Variants in OR2B11 observed in about 807,000 individuals in gnomAD.
The protein encoded by OR2B11 is olfactory receptor family 2 subfamily B member 11.
For missense variants in OR2B11, 422 were observed against 400.0 expected (o/e 1.05, Z -0.47); for synonymous variants, 198 against 174.5 (o/e 1.13, Z -1.06).
At chr1:247,457,461 CACACA>C (rs1412456220) in intron 1 of OR2B11, among the ~76,000 whole-genome samples, 173 bp downstream of exon 1, 3 of 152,128 alleles carry the variant, frequency 2.0e-5, no homozygotes, top group African/African-American at 7.2e-5. Context: ...TAGATAAAAC[CACACA>C]ACACAATTTT....
At position 247,457,401 on chromosome 1, in the gene OR2B11, C is replaced by T. The variant is rs142822854; in HGVS notation, c.-3083+238G>A. Among the ~76,000 whole-genome samples the T allele has an allele frequency of 2.0e-5, 3 of 152,272 alleles. No homozygotes were observed. The East Asian group carries it at 5.8e-4, about 29-fold the overall frequency. ...CACTGTTCAGATGAGTGTCAGACAGCGTGCCTACCTCCAGGCAGAGCATCC... is the reference window on the plus strand; with the variant it reads ...CACTGTTCAGATGAGTGTCAGACAGTGTGCCTACCTCCAGGCAGAGCATCC... On this transcript the variant is annotated intron_variant, in intron 1 of 1. Coordinates refer to ENST00000641149, the MANE Select transcript of OR2B11 (RefSeq NM_001004492.2).
At chr1:247,455,536 T>A (rs568232167) in intron 1 of OR2B11, among the ~76,000 whole-genome samples, 31 of 152,338 alleles carry the variant, frequency 2.0e-4, no homozygotes, top group African/African-American at 6.5e-4. Flanking sequence ...TCCTTATTTG[T>A]TTGCATTTGC....
chr1:247,450,709 G>A lies in OR2B11; in HGVS notation c.*320C>T. 1 of 202,312 alleles carries A rather than the reference G, an allele frequency of 4.9e-6. No individual in the cohort carries two copies. Among genetic ancestry groups the A allele is most frequent in the Non-Finnish European group, 9.8e-6 (1 of 101,648 alleles). 12.5% of individuals were successfully genotyped at this position (202,312 alleles called of 1,614,324 possible). A position where few individuals can be genotyped will look rare whatever the true frequency, so the allele number is the denominator to read the frequency against. Reference sequence around the variant, plus strand: ...GTATACTTAGGAGTAATAGAAAAGAGACAAATGGGGAGAGAATAAAAGAAA... The same window carrying A: ...GTATACTTAGGAGTAATAGAAAAGAAACAAATGGGGAGAGAATAAAAGAAA... On this transcript the variant is annotated 3_prime_UTR_variant, in exon 2 of 2. Coordinates refer to ENST00000641149, the MANE Select transcript of OR2B11 (RefSeq NM_001004492.2).
At chr1:247,456,681 T>C (rs543888278) in intron 1 of OR2B11, among the ~76,000 whole-genome samples, 1 of 152,046 alleles carries the variant, frequency 6.6e-6, no homozygotes, top group Non-Finnish European at 1.5e-5. Flanking sequence ...TACACAGGTA[T>C]ACACGTGCCA....
intron 1 of OR2B11, among the ~76,000 whole-genome samples, chr1:247,455,596 C>T (rs72655369): frequency 0.093 from 14,123 of 152,192 alleles, 794 homozygotes; most frequent in Non-Finnish European, 0.12. Context: ...CAAGTACAAT[C>T]GAGACGTTAG....
rs1022722804 is a variant in OR2B11, at chr1:247,453,634, T to A, written c.-1652A>T. Reference sequence around the variant, plus strand: ...TGAGATTTCTGATTCCAGAGTTTCTTTTCAGAGCCTAAACTGGGAGAAAAG... The same window carrying A: ...TGAGATTTCTGATTCCAGAGTTTCTATTCAGAGCCTAAACTGGGAGAAAAG... On this transcript the variant is annotated 5_prime_UTR_variant, in exon 2 of 2. Transcript: ENST00000641149. The A allele has an allele frequency of 3.3e-5, 5 of 152,218 alleles. No homozygotes were observed. Among genetic ancestry groups the A allele is most frequent in the African/African-American group, 1.2e-4 (5 of 41,462 alleles). The allele number at this position is 152,218 out of a possible 1,614,324, so 9.4% of individuals were successfully genotyped here. A position where few individuals can be genotyped will look rare whatever the true frequency, so the allele number is the denominator to read the frequency against.
rs907840139 is a variant in OR2B11, at chr1:247,454,181, G to GCACACACA, written c.-2207_-2200dup. ...CACACACATGCATGCACGTGCACAC[G>GCACACACA]CACACACACACACACACACACACAC... On this transcript the variant is annotated 5_prime_UTR_variant, in exon 2 of 2. An upstream open reading frame in the 5' UTR gains an earlier in-frame stop. Coordinates refer to ENST00000641149, the MANE Select transcript of OR2B11 (RefSeq NM_001004492.2). The GCACACACA allele has an allele frequency of 2.7e-4, 5 of 18,746 alleles. No individual in the cohort carries two copies. The highest frequency in any genetic ancestry group is 3.4e-4 in the African/African-American group (5 of 14,822). The allele number at this position is 18,746 out of a possible 1,614,324, so 1.2% of individuals were successfully genotyped here. A position where few individuals can be genotyped will look rare whatever the true frequency, so the allele number is the denominator to read the frequency against.
In OR2B11 at chr1:247,449,831, A is replaced by G. The variant is rs560854146; in HGVS notation, c.*1198T>C. 14 of 152,318 alleles carry G rather than the reference A, an allele frequency of 9.2e-5. No homozygotes were observed. The highest frequency in any genetic ancestry group is 3.4e-4 in the African/African-American group (14 of 41,568). 9.4% of individuals were successfully genotyped at this position (152,318 alleles called of 1,614,324 possible). On this transcript the variant is annotated 3_prime_UTR_variant, in exon 2 of 2. Transcript: ENST00000641149. ...TGCTACAAACACTTTGATAACCTAT[A>G]TAAATAATGTAATCAGAAACACATA... is the stretch of plus-strand genomic sequence containing the variant.
Position 247,453,186 on chromosome 1 carries a change from T to C in OR2B11, c.-1204A>G, listed in dbSNP as rs1558216151. 1 of 152,248 alleles carries C rather than the reference T, an allele frequency of 6.6e-6. No homozygotes were observed. The highest frequency in any genetic ancestry group is 1.5e-5 in the Non-Finnish European group (1 of 68,048). 9.4% of individuals were successfully genotyped at this position (152,248 alleles called of 1,614,324 possible). On this transcript the variant is annotated 5_prime_UTR_variant, in exon 2 of 2. Transcript: ENST00000641149. ...ATAATTTATGAAGGATTTTTATTCT[T>C]GATTTGGTACCTTATGCATAGACTG...
In OR2B11 at chr1:247,451,449, C is replaced by G. The variant is rs1430111032; in HGVS notation, c.534G>C (p.Leu178=). The change falls in exon 2 of 2, where the codon CTG becomes CTC. Residue 178 remains leucine (L), a synonymous_variant. Transcript: ENST00000641149. ...VQLPFCGRQV[L]NNFFCEVPAV... Reference sequence around the variant, plus strand: ...CCGGCACCTCACAGAAAAAGTTGTTCAGCACCTGCCGCCCGCAGAATGGCA... The same window carrying G: ...CCGGCACCTCACAGAAAAAGTTGTTGAGCACCTGCCGCCCGCAGAATGGCA... 6.2e-7 allele frequency: 1 copy of G among 1,614,160 alleles called. No homozygotes were observed. Among genetic ancestry groups the G allele is most frequent in the South Asian group, 1.1e-5 (1 of 91,080 alleles).
chr1:247,454,838 A>T lies in OR2B11; in HGVS notation c.-2856T>A, dbSNP rs1470196785. ...TACCTGCCTCTCTGCAGGCAGTTTCAACCCCTCACTCACCCTCACACGAAG... is the reference window on the plus strand; with the variant it reads ...TACCTGCCTCTCTGCAGGCAGTTTCTACCCCTCACTCACCCTCACACGAAG... On this transcript the variant is annotated 5_prime_UTR_variant, in exon 2 of 2. Coordinates refer to ENST00000641149, the MANE Select transcript of OR2B11 (RefSeq NM_001004492.2). 2 of 152,170 alleles carry T rather than the reference A, an allele frequency of 1.3e-5. No homozygotes were observed. Among genetic ancestry groups the T allele is most frequent in the Admixed American group, 1.3e-4 (2 of 15,262 alleles). 9.4% of individuals were successfully genotyped at this position (152,170 alleles called of 1,614,324 possible).
Position 247,451,832 on chromosome 1 carries a change from G to A in OR2B11, c.151C>T (p.Leu51=), listed in dbSNP as rs760833554. 6.2e-7 allele frequency: 1 copy of A among 1,614,168 alleles called. No homozygotes were observed. The highest frequency in any genetic ancestry group is 2.2e-5 in the East Asian group (1 of 44,880). The change falls in exon 2 of 2, where the codon CTG becomes TTG. Residue 51 remains leucine, a synonymous_variant. Transcript: ENST00000641149. ...LAMLGNVAII[L]ASRVDPQLHS... is the part of the protein sequence containing the mutation. ...AGTTGAGGATCCACCCGGGATGCCAGGATGATGGCGACGTTCCCCAACATG... is the reference window on the plus strand; with the variant it reads ...AGTTGAGGATCCACCCGGGATGCCAAGATGATGGCGACGTTCCCCAACATG...
rs753573317 is a variant in OR2B11 at position 247,451,576 on chromosome 1, T to C, written c.407A>G (p.Tyr136Cys). The C allele has an allele frequency of 2.3e-5, 37 of 1,613,870 alleles. No individual in the cohort carries two copies. The highest frequency in any genetic ancestry group is 3.1e-5 in the Non-Finnish European group (37 of 1,179,848). The change falls in exon 2 of 2, where the codon TAT (tyrosine) becomes TGT (cysteine). Residue 136 changes from tyrosine to cysteine, a missense_variant. By Grantham distance (194) the Tyr-to-Cys change is radical. Transcript: ENST00000641149. ...GAGAGCACGGTGCATGAGAACGGCATAGTGCAGGGGCTTGCAGATGGCCAC... is the reference window on the plus strand; with the variant it reads ...GAGAGCACGGTGCATGAGAACGGCACAGTGCAGGGGCTTGCAGATGGCCAC... The part of the protein sequence containing the change: ...RYVAICKPLH[Y>C]AVLMHRALCQ...
Position 247,454,184 on chromosome 1 carries a change from CA to C in OR2B11, c.-2203del, listed in dbSNP as rs1426509183. On this transcript the variant is annotated 5_prime_UTR_variant, in exon 2 of 2. It introduces an in-frame stop codon into an upstream open reading frame of the 5' UTR. Transcript: ENST00000641149. ...ACACATGCATGCACGTGCACACGCACACACACACACACACACACACACGCAC... is the reference window on the plus strand; with the variant it reads ...ACACATGCATGCACGTGCACACGCACCACACACACACACACACACACGCAC... The C allele has an allele frequency of 6.2e-5, 1 of 16,168 alleles. No homozygotes were observed. The highest frequency in any genetic ancestry group is 1.3e-3 in the Non-Finnish European group (1 of 756). The allele number at this position is 16,168 out of a possible 1,614,324, so 1.0% of individuals were successfully genotyped here.
intron 1 of OR2B11, among the ~76,000 whole-genome samples, chr1:247,455,467 G>A (rs959879189): frequency 5.3e-5 from 8 of 152,072 alleles, no homozygotes; most frequent in East Asian, 1.9e-4. Context: ...ATAATAACAC[G>A]GACTCTTTCA....
In OR2B11 at chr1:247,451,213, A is replaced by C. The variant is rs1396867532; in HGVS notation, c.770T>G (p.Leu257Arg). The stretch of plus-strand genomic sequence containing the variant: ...CTGCAGATACATGTAAATCGCAGGT[A>C]GGTAGAAGAGGGAGACGATCATCAG... ...SHLMIVSLFY[L>R]PAIYMYLQPP... Residue 257 changes from leucine (L) to arginine (R), a missense_variant, in exon 2 of 2, where the codon CTA becomes CGA. Transcript: ENST00000641149. 1 of 1,589,918 alleles carries C rather than the reference A, an allele frequency of 6.3e-7. No homozygotes were observed. The highest frequency in any genetic ancestry group is 8.6e-7 in the Non-Finnish European group (1 of 1,165,002).
chr1:247,455,897 C>T (rs1664956420), intron 1 of OR2B11, among the ~76,000 whole-genome samples: 1 of 152,234 alleles, frequency 6.6e-6, no homozygotes, highest in Non-Finnish European at 1.5e-5. Context: ...TCATCATCTT[C>T]TGTAGCTCCC....
rs148376763 is a variant in OR2B11, at chr1:247,451,677, A to T, written c.306T>A (p.Thr102=). 1.2e-6 allele frequency: 2 copies of T among 1,614,174 alleles called. No homozygotes were observed. The highest frequency in any genetic ancestry group is 1.7e-6 in the Non-Finnish European group (2 of 1,179,996). The change falls in exon 2 of 2, where the codon ACT becomes ACA. Residue 102 remains threonine (T), a synonymous_variant. Coordinates refer to ENST00000641149, the MANE Select transcript of OR2B11 (RefSeq NM_001004492.2). ...GCCAGTGGAAGACTGCATATTGCAC[A>T]GTGCAGCCTCCATAGCTGATGGTCT... The part of the protein sequence containing the change: ...SQKTISYGGC[T]VQYAVFHWLG...
At chr1:247,456,630 G>A (rs1469315237) in intron 1 of OR2B11, among the ~76,000 whole-genome samples, 1 of 147,202 alleles carries the variant, frequency 6.8e-6, no homozygotes, top group Non-Finnish European at 1.5e-5. Flanking sequence ...TTTAATTATA[G>A]TTTAAGTTCT....
Sources: gnomAD v4.1 joint callset for allele counts (sites outside exome capture counted in the v4.1 genomes callset) on GRCh38, gnomAD v4.1.1 for gene constraint, MANE v1.5 for transcripts, NCBI Gene and HGNC (gene_info 2026-07-23, HGNC 2026-07-21) for gene names.